Variants in CNTLN observed in about 807,000 individuals in gnomAD.
The protein encoded by CNTLN is centlein, centrosomal protein.
CNTLN carries 212 observed loss-of-function variants against 180.0 expected under a neutral mutation model. The ratio of observed to expected loss-of-function variants is 1.18; its 90% CI spans 1.05 to 1.32. The LOEUF is 1.32. Among genes scored for constraint, CNTLN ranks in the 40% most tolerant of loss-of-function variants. The pLI, the probability that CNTLN is intolerant of heterozygous loss-of-function variation, is 0.00. For missense variants in CNTLN, 2,095 were observed against 1,610.9 expected, an observed-to-expected ratio of 1.30 and a Z score of -5.14; for synonymous variants, 722 against 563.1, an observed-to-expected ratio of 1.28 and a Z score of -3.99.
chr9:17,430,634 A>C (rs1267973627), intron 18 of CNTLN, among the ~76,000 whole-genome samples: 1 of 152,082 alleles, frequency 6.6e-6, no homozygotes, highest in East Asian at 1.9e-4. Flanking sequence ...GTACTACTGA[A>C]CACTAGAACT....
chr9:17,356,831 A>C (rs946129357), intron 12 of CNTLN, among the ~76,000 whole-genome samples: 1 of 152,118 alleles, frequency 6.6e-6, no homozygotes, highest in Non-Finnish European at 1.5e-5. Context: ...AAGCTCTTCT[A>C]TGCGTTTCCA....
At chr9:17,184,152 C>T (rs1011976646) in intron 2 of CNTLN, among the ~76,000 whole-genome samples, 4 of 152,040 alleles carry the variant, frequency 2.6e-5, no homozygotes, top group South Asian at 2.1e-4. Flanking sequence ...GGAAGATTTT[C>T]GTGAAATAGC....
chr9:17,171,663 G>C (rs931777267), intron 2 of CNTLN, among the ~76,000 whole-genome samples: 1 of 152,068 alleles, frequency 6.6e-6, no homozygotes, highest in Non-Finnish European at 1.5e-5. Flanking sequence ...TGGAGCTCAG[G>C]CATGTGTGGA....
chr9:17,152,738 C>T (rs1389448720), intron 2 of CNTLN, among the ~76,000 whole-genome samples: 1 of 152,156 alleles, frequency 6.6e-6, no homozygotes, highest in Non-Finnish European at 1.5e-5. Context: ...TTTCATTGAT[C>T]TGTCTGATAT....
intron 1 of CNTLN, among the ~76,000 whole-genome samples, chr9:17,136,035 A>C (rs933909501): frequency 1.3e-5 from 2 of 152,202 alleles, no homozygotes; most frequent in African/African-American, 4.8e-5. Context: ...TCACATTTTC[A>C]TGTGATCTTG....
Position 17,173,993 on chromosome 9 carries a change from C to T in CNTLN, c.449+30617C>T, listed in dbSNP as rs551853023. Among the ~76,000 whole-genome samples, 4 of 152,292 alleles carry T rather than the reference C, an allele frequency of 2.6e-5. No homozygotes were observed. In the South Asian group the frequency reaches 8.3e-4, roughly 32 times the overall value. On this transcript the variant is annotated intron_variant, in intron 2 of 25. Transcript: ENST00000380647. ...CCCCACTCACTTCACTCTTTATGCTCCACACCCTAGCCTGTTTGTAAATCC... is the reference window on the plus strand; with the variant it reads ...CCCCACTCACTTCACTCTTTATGCTTCACACCCTAGCCTGTTTGTAAATCC...
At chr9:17,451,967 A>G (rs1477206486) in intron 18 of CNTLN, among the ~76,000 whole-genome samples, 1 of 152,198 alleles carries the variant, frequency 6.6e-6, no homozygotes, top group Admixed American at 6.5e-5. Flanking sequence ...GTAAAGAGCT[A>G]TACCCGATCC....
intron 23 of CNTLN, among the ~76,000 whole-genome samples, chr9:17,483,989 G>T (rs77790778): frequency 1.3e-5 from 2 of 152,172 alleles, no homozygotes; most frequent in African/African-American, 4.8e-5. Flanking sequence ...AGTAGAAGTT[G>T]TTGTGCTGAT....
intron 7 of CNTLN, among the ~76,000 whole-genome samples, chr9:17,304,319 C>G (rs944384529): frequency 6.6e-6 from 1 of 152,136 alleles, no homozygotes. Flanking sequence ...TTCTCTTCCT[C>G]TGAGCATGTA....
rs149411220 is a variant in CNTLN, at chr9:17,489,131, A to G, written c.4119+2065A>G. 3.9e-3 allele frequency among the ~76,000 whole-genome samples: 589 copies of G among 152,188 alleles called. 1 individual carries two copies. The highest frequency in any genetic ancestry group is 7.1e-3 in the Non-Finnish European group (480 of 67,984). On this transcript the variant is annotated intron_variant, in intron 25 of 25. Transcript: ENST00000380647. ...AAGAGAAAAATCTATAAAATAGAAA[A>G]CACCTTTTTTTTTTAGCCTACTTTT...
intron 5 of CNTLN, among the ~76,000 whole-genome samples, chr9:17,267,953 A>G (rs922497909): frequency 3.3e-5 from 5 of 151,758 alleles, no homozygotes; most frequent in African/African-American, 1.2e-4. Flanking sequence ...TTTTTTTTCA[A>G]ACTTTTAACT....
chr9:17,334,910 TAAAAAA>T (rs71303378), intron 10 of CNTLN, among the ~76,000 whole-genome samples: 3 of 122,586 alleles, frequency 2.4e-5, no homozygotes, highest in Admixed American at 8.5e-5. Flanking sequence ...AATCTAAAAT[TAAAAAA>T]AAAAAAAAAA....
chr9:17,145,231 A>C (rs1197028705), intron 2 of CNTLN, among the ~76,000 whole-genome samples: 1 of 152,200 alleles, frequency 6.6e-6, no homozygotes, highest in East Asian at 1.9e-4. Flanking sequence ...ATAAAGTTTA[A>C]AATAACATTT....
At chr9:17,402,712 A>G (rs1199819111) in intron 15 of CNTLN, among the ~76,000 whole-genome samples, 4 of 151,782 alleles carry the variant, frequency 2.6e-5, no homozygotes, top group East Asian at 3.9e-4. Flanking sequence ...AATCTGCACC[A>G]TCAGCTCTCC....
intron 2 of CNTLN, among the ~76,000 whole-genome samples, chr9:17,187,892 A>G (rs543057030): frequency 5.9e-5 from 9 of 151,408 alleles, no homozygotes; most frequent in Non-Finnish European, 1.0e-4. Flanking sequence ...CATCCTCTCC[A>G]GCTTTGTGTG....
At chr9:17,308,576 TAC>T (rs1163982471) in intron 7 of CNTLN, among the ~76,000 whole-genome samples, 1 of 152,110 alleles carries the variant, frequency 6.6e-6, no homozygotes, top group African/African-American at 2.4e-5. Context: ...TAAACTGATA[TAC>T]CTTGTGCTCC....
chr9:17,157,723 TTGCCAAGCA>T (rs1301274199), intron 2 of CNTLN, among the ~76,000 whole-genome samples: 2 of 152,218 alleles, frequency 1.3e-5, no homozygotes, highest in East Asian at 3.8e-4. Flanking sequence ...TAATATGTCT[TTGCCAAGCA>T]TGCCAGACAT....
Position 17,180,581 on chromosome 9 carries a change from A to G in CNTLN, c.449+37205A>G, listed in dbSNP as rs1346294360. Among the ~76,000 whole-genome samples the G allele has an allele frequency of 2.0e-5, 3 of 151,942 alleles. No individual in the cohort carries two copies. In the East Asian group the frequency reaches 5.8e-4, roughly 29 times the overall value. On this transcript the variant is annotated intron_variant, in intron 2 of 25. Coordinates refer to ENST00000380647, the MANE Select transcript of CNTLN (RefSeq NM_017738.4). ...CATCAAACCTAATTTAGAAAACTGA[A>G]GAAGACAAGGAAAGTCTGTTGTATT...
intron 16 of CNTLN, among the ~76,000 whole-genome samples, chr9:17,413,010 T>C (rs1322846227): frequency 6.6e-6 from 1 of 152,292 alleles, no homozygotes; most frequent in East Asian, 1.9e-4. Flanking sequence ...GCCCCACAGA[T>C]GGTGGCATTA....
Sources: allele counts gnomAD v4.1 joint callset (sites outside exome capture counted in the v4.1 genomes callset), GRCh38; gene constraint gnomAD v4.1.1; transcripts MANE v1.5; gene names NCBI Gene and HGNC (gene_info 2026-07-23, HGNC 2026-07-21).